The following PARN variants were observed in gnomAD, a reference collection of about 807,000 sequenced individuals.
PARN encodes the protein poly(A)-specific ribonuclease.
In PARN, 71 loss-of-function variants were observed where a neutral mutation model predicts 102.8. The ratio of observed to expected loss-of-function variants is 0.69; its 90% CI spans 0.57 to 0.84. The LOEUF is 0.84. Among genes scored for constraint, PARN ranks in the 40% least tolerant of loss-of-function variants. PARN has a pLI of 0.00. For synonymous variants in PARN, 261 were observed against 252.9 expected, an observed-to-expected ratio of 1.03 and a Z score of -0.30; for missense variants, 782 against 760.9, an observed-to-expected ratio of 1.03 and a Z score of -0.33.
chr16:14,577,786 GC>G (rs890394534), intron 18 of PARN, among the ~76,000 whole-genome samples: 4 of 151,898 alleles, frequency 2.6e-5, no homozygotes, highest in East Asian at 1.9e-4. Flanking sequence ...TCCTGCCTCA[GC>G]CCCCCCAGTA....
chr16:14,591,127 A>C (rs756187353), intron 13 of PARN, among the ~76,000 whole-genome samples: 1 of 152,128 alleles, frequency 6.6e-6, no homozygotes, highest in Non-Finnish European at 1.5e-5. Flanking sequence ...ACAGTGGCTC[A>C]CACCTGTAAT....
At chr16:14,529,894 ACAGAAATC>A (rs1475191411) in intron 21 of PARN, among the ~76,000 whole-genome samples, 9 of 152,168 alleles carry the variant, frequency 5.9e-5, no homozygotes, top group African/African-American at 1.9e-4. Context: ...TACCATCCCT[ACAGAAATC>A]CAGAAATCCA....
chr16:14,534,833 ATTT>A (rs553597929), intron 21 of PARN, among the ~76,000 whole-genome samples: 11 of 142,208 alleles, frequency 7.7e-5, no homozygotes, highest in African/African-American at 2.3e-4. Context: ...TCATTTCTAA[ATTT>A]TTTTTTTTTT....
intron 22 of PARN, among the ~76,000 whole-genome samples, chr16:14,476,732 A>G (rs1012155367): frequency 6.6e-6 from 1 of 152,208 alleles, no homozygotes; most frequent in African/African-American, 2.4e-5. Context: ...GTTCCAACAG[A>G]ACTTCATAAA....
chr16:14,583,021 G>A (rs902729361), intron 16 of PARN, among the ~76,000 whole-genome samples: 1 of 152,170 alleles, frequency 6.6e-6, no homozygotes, highest in Non-Finnish European at 1.5e-5. Flanking sequence ...CAAGCTTAGA[G>A]ATCGAAAGGT....
At chr16:14,623,827 G>C (rs1306923111) in intron 5 of PARN, among the ~76,000 whole-genome samples, 3 of 146,736 alleles carry the variant, frequency 2.0e-5, no homozygotes, top group Non-Finnish European at 4.5e-5. Context: ...ACAGTGTAAG[G>C]CTCCATCTCA....
chr16:14,616,454 G>C (rs567211937), intron 6 of PARN, among the ~76,000 whole-genome samples: 1 of 152,202 alleles, frequency 6.6e-6, no homozygotes, highest in Non-Finnish European at 1.5e-5. Flanking sequence ...TACTAAAAAA[G>C]CAACAGGTAG....
At chr16:14,583,873 G>A (rs1021854205) in intron 16 of PARN, among the ~76,000 whole-genome samples, 1 of 152,128 alleles carries the variant, frequency 6.6e-6, no homozygotes, top group South Asian at 2.1e-4. Flanking sequence ...TTTCCTCAGT[G>A]CTGCTGTTTC....
rs147118924 is a variant in PARN, at chr16:14,550,580, C to G, written c.1480+1441G>C. 4.4e-4 allele frequency among the ~76,000 whole-genome samples: 67 copies of G among 152,310 alleles called. No individual in the cohort carries two copies. In the East Asian group the frequency reaches 0.013, roughly 29 times the overall value. On this transcript the variant is annotated intron_variant, in intron 21 of 23. Coordinates refer to ENST00000437198, the MANE Select transcript of PARN (RefSeq NM_002582.4). Reference sequence around the variant, plus strand: ...CAAAAGCCTAAGCTTTTCCCCTCTACAGCATGGCCTGGATTCCTGCAACAG... The same window carrying G: ...CAAAAGCCTAAGCTTTTCCCCTCTAGAGCATGGCCTGGATTCCTGCAACAG...
At chr16:14,526,412 C>T (rs751281417) in intron 21 of PARN, among the ~76,000 whole-genome samples, 1 of 149,136 alleles carries the variant, frequency 6.7e-6, no homozygotes, top group Non-Finnish European at 1.5e-5. Flanking sequence ...CTCCTGACCT[C>T]GTGATCCACC....
chr16:14,573,449 A>T, intron 18 of PARN, among the ~76,000 whole-genome samples: 1 of 152,180 alleles, frequency 6.6e-6, no homozygotes, highest in East Asian at 1.9e-4. Context: ...CCTTTGACCA[A>T]TATCTCCCCA....
intron 10 of PARN, 52 bp downstream of exon 10, chr16:14,606,432 A>G (rs1971187220): frequency 4.1e-6 from 4 of 981,676 alleles, no homozygotes; most frequent in Non-Finnish European, 4.6e-6. Context: ...AACCCCTAAC[A>G]GTGTAACAAT....
At chr16:14,547,932 T>C (rs1199677420) in intron 21 of PARN, among the ~76,000 whole-genome samples, 4 of 151,906 alleles carry the variant, frequency 2.6e-5, no homozygotes, top group Non-Finnish European at 5.9e-5. Context: ...CTGAAATGAA[T>C]AAGTAATTTG....
intron 22 of PARN, among the ~76,000 whole-genome samples, chr16:14,447,496 G>C (rs16963748): frequency 0.16 from 24,417 of 152,162 alleles, 2,030 homozygotes; most frequent in East Asian, 0.23. Flanking sequence ...AATGCATAAA[G>C]AGCAGAACTG....
intron 18 of PARN, among the ~76,000 whole-genome samples, chr16:14,565,961 T>C (rs1567392415): frequency 1.3e-5 from 2 of 152,236 alleles, no homozygotes; most frequent in Admixed American, 1.3e-4. Flanking sequence ...TCTTAGAGTA[T>C]ACTGCTAATC....
intron 22 of PARN, among the ~76,000 whole-genome samples, chr16:14,466,425 A>C (rs1962358341): frequency 6.6e-6 from 1 of 152,190 alleles, no homozygotes; most frequent in South Asian, 2.1e-4. Context: ...TTGTCTTTAA[A>C]GGGTATACAG....
intron 22 of PARN, among the ~76,000 whole-genome samples, chr16:14,467,633 T>TA (rs1567298383): frequency 2.6e-5 from 4 of 152,276 alleles, no homozygotes; most frequent in African/African-American, 9.6e-5. Flanking sequence ...TATTTTCCCT[T>TA]AAAAAATGGC....
At chr16:14,457,990 C>G (rs1961768609) in intron 22 of PARN, among the ~76,000 whole-genome samples, 2 of 151,266 alleles carry the variant, frequency 1.3e-5, no homozygotes, top group Non-Finnish European at 1.5e-5. Context: ...TGTGTATCTG[C>G]TCCATCCTAG....
chr16:14,480,231 G>A (rs1393458656), intron 22 of PARN, among the ~76,000 whole-genome samples: 3 of 152,146 alleles, frequency 2.0e-5, no homozygotes, highest in Non-Finnish European at 2.9e-5. Flanking sequence ...AGGAAGTTGA[G>A]GCACGAGAAT....
Sources: gnomAD v4.1 joint callset for allele counts (sites outside exome capture counted in the v4.1 genomes callset) on GRCh38, gnomAD v4.1.1 for gene constraint, MANE v1.5 for transcripts, NCBI Gene and HGNC (gene_info 2026-07-23, HGNC 2026-07-21) for gene names.